The following THADA variants were observed in gnomAD, a reference collection of about 807,000 sequenced individuals.
The protein encoded by THADA is THADA armadillo repeat containing, also known as tRNA (32-2'-O)-methyltransferase regulator THADA.
THADA carries 213 observed loss-of-function variants against 219.8 expected under a neutral mutation model. The observed-to-expected ratio is 0.97, with a 90% CI of 0.87 to 1.09. The LOEUF is 1.09. Among genes scored for constraint, THADA ranks in the 50% least tolerant of loss-of-function variants. The pLI is 0.00. For missense variants in THADA, 2,956 were observed against 2,311.3 expected (o/e 1.28, Z -5.72); for synonymous variants, 1,018 against 828.9 (o/e 1.23, Z -3.92).
In THADA at chr2:43,503,404, T is replaced by C. The variant is rs138941494; in HGVS notation, c.3621+2218A>G. ...GAACAGGAGCTTACTAATCTTAAAATATAATGTTGATTGACAAAAGCAAAG... is the reference window on the plus strand; with the variant it reads ...GAACAGGAGCTTACTAATCTTAAAACATAATGTTGATTGACAAAAGCAAAG... On this transcript the variant is annotated intron_variant, in intron 24 of 37. Coordinates refer to ENST00000405975, the MANE Select transcript of THADA (RefSeq NM_022065.5). Among the ~76,000 whole-genome samples the C allele has an allele frequency of 3.0e-3, 463 of 152,170 alleles. 3 individuals are homozygous for C. The highest frequency in any genetic ancestry group is 0.011 in the African/African-American group (450 of 41,442).
At chr2:43,298,405 TCGTTAAGA>T (rs1675845579) in intron 31 of THADA, among the ~76,000 whole-genome samples, 1 of 122,484 alleles carries the variant, frequency 8.2e-6, no homozygotes, top group Non-Finnish European at 1.7e-5. Context: ...GGCAGCATGC[TCGTTAAGA>T]GTCATCACCA....
At position 43,368,483 on chromosome 2, in the gene THADA, A is replaced by T. The variant is rs1056703901; in HGVS notation, c.4228-24246T>A. ...GTGATCATAGCTCACTGCAGCCTTGATCTCCTGGACTCAAGTGATCCTCCC... is the reference window on the plus strand; with the variant it reads ...GTGATCATAGCTCACTGCAGCCTTGTTCTCCTGGACTCAAGTGATCCTCCC... On this transcript the variant is annotated intron_variant, in intron 29 of 37. Coordinates refer to ENST00000405975, the MANE Select transcript of THADA (RefSeq NM_022065.5). 5.9e-5 allele frequency among the ~76,000 whole-genome samples: 9 copies of T among 151,686 alleles called. 1 individual carries two copies. Among genetic ancestry groups the T allele is most frequent in the African/African-American group, 2.2e-4 (9 of 41,264 alleles).
At chr2:43,280,856 A>G (rs912576239) in intron 35 of THADA, among the ~76,000 whole-genome samples, 4 of 152,244 alleles carry the variant, frequency 2.6e-5, no homozygotes, top group African/African-American at 9.6e-5. Context: ...ATATAAAGTC[A>G]AAAACACAAA....
In THADA at chr2:43,574,346, A is replaced by G. The variant is rs973792072; in HGVS notation, c.1719T>C (p.Asp573=). The G allele has an allele frequency of 3.9e-6, 6 of 1,558,076 alleles. No individual in the cohort carries two copies. Among genetic ancestry groups the G allele is most frequent in the Middle Eastern group, 1.7e-4 (1 of 5,836 alleles). Residue 573 remains aspartate, a synonymous_variant, in exon 11 of 38, where the codon GAT becomes GAC. Transcript: ENST00000405975. ...YMVKILQTSI[D]AKTGQEQSFP... The stretch of plus-strand genomic sequence containing the variant: ...ATGCATTTTTCTTACCAGTTTTAGC[A>G]TCAATAGAAGTCTGAAGAATCTTTA...
chr2:43,554,480 C>T (rs1279893652), intron 17 of THADA, among the ~76,000 whole-genome samples: 1 of 152,060 alleles, frequency 6.6e-6, no homozygotes, highest in Admixed American at 6.6e-5. Flanking sequence ...AGACAAACAA[C>T]CCTACAGAAA....
chr2:43,533,071 T>A (rs986975028), intron 21 of THADA, among the ~76,000 whole-genome samples: 5 of 152,028 alleles, frequency 3.3e-5, no homozygotes, highest in Admixed American at 3.3e-4. Flanking sequence ...CATCAAAAAG[T>A]GGGCAAAGGA....
intron 26 of THADA, among the ~76,000 whole-genome samples, chr2:43,476,423 T>A (rs908864942): frequency 6.6e-6 from 1 of 152,202 alleles, no homozygotes; most frequent in African/African-American, 2.4e-5. Context: ...AATCGGAGTC[T>A]CTGATGATGT....
chr2:43,320,297 G>C, intron 31 of THADA, 149 bp downstream of exon 31: 1 of 490,220 alleles, frequency 2.0e-6, no homozygotes, highest in Non-Finnish European at 3.6e-6. Context: ...ACTTCTATGA[G>C]GGAACTATAT....
At chr2:43,452,565 C>A (rs1250178689) in intron 26 of THADA, among the ~76,000 whole-genome samples, 1 of 152,128 alleles carries the variant, frequency 6.6e-6, no homozygotes, top group African/African-American at 2.4e-5. Context: ...AGAGGACACA[C>A]TGTGACCCAG....
In THADA at chr2:43,591,950, A is replaced by C; in HGVS notation, c.171+2T>G. The C allele has an allele frequency of 6.6e-7, 1 of 1,515,870 alleles. No homozygotes were observed. The highest frequency in any genetic ancestry group is 1.3e-5 in the South Asian group (1 of 77,112). The allele number at this position is 1,515,870 out of a possible 1,614,324, so 93.9% of individuals were successfully genotyped here. A position where few individuals can be genotyped will look rare whatever the true frequency, so the allele number is the denominator to read the frequency against. ...CATCCATGAATATCAATTCAGACTT[A>C]CCTGTTTAATATAATGGATTTGTGA... On this transcript the variant is annotated splice_donor_variant, in intron 3 of 37. Coordinates refer to ENST00000405975, the MANE Select transcript of THADA (RefSeq NM_022065.5). LOFTEE classifies it high-confidence loss of function.
intron 22 of THADA, among the ~76,000 whole-genome samples, chr2:43,524,022 G>C (rs1426131195): frequency 6.6e-6 from 1 of 152,156 alleles, no homozygotes; most frequent in Admixed American, 6.5e-5. Flanking sequence ...AAGCAAATAT[G>C]AATGTCACCA....
intron 21 of THADA, among the ~76,000 whole-genome samples, chr2:43,535,908 G>A (rs529824047): frequency 2.6e-5 from 4 of 151,902 alleles, no homozygotes; most frequent in African/African-American, 7.2e-5. Context: ...GGGTTCAAGC[G>A]ATTCTCCTGC....
intron 26 of THADA, among the ~76,000 whole-genome samples, chr2:43,448,180 A>G (rs1681825965): frequency 6.6e-6 from 1 of 152,264 alleles, no homozygotes; most frequent in Non-Finnish European, 1.5e-5. Context: ...CACGAAGGCA[A>G]CAACTGCACT....
At chr2:43,250,659 T>G (rs1045905586) in intron 36 of THADA, among the ~76,000 whole-genome samples, 2 of 151,730 alleles carry the variant, frequency 1.3e-5, no homozygotes, top group African/African-American at 2.4e-5. Flanking sequence ...AACCCAGGAG[T>G]TTGAGACCAG....
rs367812666 is a variant in THADA, at chr2:43,428,295, A to G, written c.3927-64T>C. ...TAGGTAGTGAAGCACTCCTCCTTCA[A>G]ACATTTTTCTCATGAAATAATTATG... On this transcript the variant is annotated intron_variant, in intron 27 of 37. Transcript: ENST00000405975. 66 of 1,461,198 alleles carry G rather than the reference A, an allele frequency of 4.5e-5. No individual in the cohort carries two copies. In the East Asian group the frequency reaches 1.3e-3, roughly 28 times the overall value. 90.5% of individuals were successfully genotyped at this position (1,461,198 alleles called of 1,614,324 possible).
intron 20 of THADA, among the ~76,000 whole-genome samples, chr2:43,543,293 C>G (rs12990267): frequency 0.17 from 18,583 of 107,634 alleles, 1,822 homozygotes; most frequent in Middle Eastern, 0.23. Context: ...ATTTGGGTTG[C>G]TTCCAAGTCT....
At chr2:43,383,844 C>T (rs1293823928) in intron 29 of THADA, among the ~76,000 whole-genome samples, 1 of 152,098 alleles carries the variant, frequency 6.6e-6, no homozygotes, top group Non-Finnish European at 1.5e-5. Flanking sequence ...AAGTGAAAAA[C>T]GTTGTCAATT....
At chr2:43,544,029 G>A (rs1310009891) in intron 20 of THADA, among the ~76,000 whole-genome samples, 53 of 152,152 alleles carry the variant, frequency 3.5e-4, no homozygotes, top group East Asian at 7.7e-4. Flanking sequence ...TCTTTAATCC[G>A]TCTTGAATTA....
chr2:43,518,407 A>G (rs1692002840), intron 22 of THADA, among the ~76,000 whole-genome samples: 1 of 152,164 alleles, frequency 6.6e-6, no homozygotes, highest in African/African-American at 2.4e-5. Context: ...GCAAATCTCC[A>G]CATACCAGGG....
Sources: gnomAD v4.1 joint callset for allele counts (sites outside exome capture counted in the v4.1 genomes callset) on GRCh38, gnomAD v4.1.1 for gene constraint, MANE v1.5 for transcripts, NCBI Gene and HGNC (gene_info 2026-07-23, HGNC 2026-07-21) for gene names.